Variants in FOXP2 observed in about 807,000 individuals in gnomAD.
FOXP2 encodes forkhead box protein P2.
FOXP2 carries 12 observed loss-of-function variants against 115.8 expected under a neutral mutation model. The ratio of observed to expected loss-of-function variants is 0.10; its 90% CI spans 0.07 to 0.17. The LOEUF (loss-of-function observed/expected upper bound fraction) is 0.17, where lower values mean the gene tolerates loss of function less well. Ranked by LOEUF, FOXP2 falls within the 10% of genes least tolerant of loss-of-function variation. FOXP2 has a pLI of 1.00. For missense variants in FOXP2, 629 were observed against 843.5 expected (o/e 0.75, Z 3.15); for synonymous variants, 328 against 297.7 (o/e 1.10, Z -1.05).
At chr7:114,482,116 C>T (rs1013617600) in intron 2 of FOXP2, among the ~76,000 whole-genome samples, 1 of 151,284 alleles carries the variant, frequency 6.6e-6, no homozygotes, top group Admixed American at 6.6e-5. Context: ...ACAGGAGGAT[C>T]GAGAGAGAGG....
chr7:114,660,987 A>G (rs1262092824), intron 13 of FOXP2, among the ~76,000 whole-genome samples: 1 of 151,826 alleles, frequency 6.6e-6, no homozygotes, highest in East Asian at 1.9e-4. Flanking sequence ...TATCATATTC[A>G]GAGCCATGGG....
At chr7:114,302,215 G>T (rs1231804736) in intron 2 of FOXP2, among the ~76,000 whole-genome samples, 1 of 152,134 alleles carries the variant, frequency 6.6e-6, no homozygotes, top group Admixed American at 6.5e-5. Flanking sequence ...GGTTATAACA[G>T]TGGTTGGTAG....
At chr7:114,138,467 C>T (rs1025904005) in intron 1 of FOXP2, among the ~76,000 whole-genome samples, 2 of 150,880 alleles carry the variant, frequency 1.3e-5, no homozygotes, top group African/African-American at 4.9e-5. Flanking sequence ...TCTCGGCTCA[C>T]TGCAACCTCT....
intron 2 of FOXP2, among the ~76,000 whole-genome samples, chr7:114,385,504 A>G (rs1792424331): frequency 1.3e-5 from 2 of 152,276 alleles, no homozygotes; most frequent in African/African-American, 4.8e-5. Context: ...TTCTGCCTCT[A>G]GTCGGCCCTC....
At chr7:114,582,444 T>C (rs938792042) in intron 3 of FOXP2, among the ~76,000 whole-genome samples, 19 of 152,192 alleles carry the variant, frequency 1.2e-4, no homozygotes, top group Non-Finnish European at 2.6e-4. Context: ...TTATTGCTGC[T>C]AAAATTTTCT....
chr7:114,245,858 C>T (rs1389039087), intron 1 of FOXP2, among the ~76,000 whole-genome samples: 2 of 151,720 alleles, frequency 1.3e-5, no homozygotes, highest in South Asian at 2.1e-4. Flanking sequence ...TTTTTCCTTG[C>T]GTATTTCATT....
At chr7:114,532,973 C>A (rs1394236649) in intron 2 of FOXP2, among the ~76,000 whole-genome samples, 1 of 151,748 alleles carries the variant, frequency 6.6e-6, no homozygotes, top group Non-Finnish European at 1.5e-5. Context: ...AAATAGTGAG[C>A]CTTGTGATAA....
intron 1 of FOXP2, among the ~76,000 whole-genome samples, chr7:114,419,335 A>C (rs1200023136): frequency 1.3e-5 from 2 of 151,964 alleles, no homozygotes; most frequent in Non-Finnish European, 2.9e-5. Flanking sequence ...TTAGGTTTGA[A>C]ATTTGACGGA....
Position 114,324,528 on chromosome 7 carries a change from C to T in FOXP2, c.-11+36419C>T, listed in dbSNP as rs143379376. 5.4e-3 allele frequency among the ~76,000 whole-genome samples: 816 copies of T among 151,838 alleles called. 5 individuals are homozygous for T. Among genetic ancestry groups the T allele is most frequent in the African/African-American group, 0.019 (788 of 41,502 alleles). ...CTTGCTGATATTGAGGTTTTTTTCTCTTTAACCTCAGATACAGTTTTCCAT... is the reference window on the plus strand; with the variant it reads ...CTTGCTGATATTGAGGTTTTTTTCTTTTTAACCTCAGATACAGTTTTCCAT... On this transcript the variant is annotated intron_variant, in intron 2 of 17. Coordinates refer to the FOXP2 transcript ENST00000634411.
At chr7:114,378,701 A>AAAG in intron 2 of FOXP2, among the ~76,000 whole-genome samples, 1 of 106,802 alleles carries the variant, frequency 9.4e-6, no homozygotes, top group Middle Eastern at 5.3e-3. Flanking sequence ...AAAAAAAAAA[A>AAAG]GGAAAAGAAA....
At chr7:114,087,850 A>C (rs1239147878) in intron 1 of FOXP2, 1 of 152,036 alleles carries the variant, frequency 6.6e-6, no homozygotes, top group Non-Finnish European at 1.5e-5. Context: ...TAAGTCTCTT[A>C]GGGCACCTGG....
At chr7:114,623,333 G>T (rs1345417616) in intron 3 of FOXP2, among the ~76,000 whole-genome samples, 2 of 151,904 alleles carry the variant, frequency 1.3e-5, no homozygotes, top group African/African-American at 4.8e-5. Flanking sequence ...GATTAGTCAA[G>T]CTAGGCGATC....
intron 1 of FOXP2, among the ~76,000 whole-genome samples, chr7:114,203,277 C>G (rs1794118457): frequency 6.6e-6 from 1 of 152,118 alleles, no homozygotes; most frequent in African/African-American, 2.4e-5. Context: ...TACCTATATT[C>G]TGTACAATCC....
intron 1 of FOXP2, among the ~76,000 whole-genome samples, chr7:114,248,585 A>C (rs191021584): frequency 6.6e-6 from 1 of 152,310 alleles, no homozygotes; most frequent in Non-Finnish European, 1.5e-5. Context: ...TATATAACTG[A>C]GTTTTAAAAA....
intron 1 of FOXP2, among the ~76,000 whole-genome samples, chr7:114,284,930 G>GAA (rs1796428524): frequency 6.6e-6 from 1 of 152,142 alleles, no homozygotes; most frequent in African/African-American, 2.4e-5. Flanking sequence ...TGCAGGAACA[G>GAA]AAAAGCAAAT....
At chr7:114,689,497 C>G (rs1249231670) in intron 16 of FOXP2, among the ~76,000 whole-genome samples, 2 of 152,078 alleles carry the variant, frequency 1.3e-5, no homozygotes, top group Non-Finnish European at 2.9e-5. Flanking sequence ...ATAACAAATA[C>G]TAACAAAACA....
In FOXP2 at chr7:114,356,104, C is replaced by T. The variant is rs148527319; in HGVS notation, c.-11+67995C>T. ...GAATTCCACAGGACTAAATGGCTTT[C>T]CCCCGTAGAAAGGCCCAAATTATAA... On this transcript the variant is annotated intron_variant, in intron 2 of 17. Transcript: ENST00000634411. Among the ~76,000 whole-genome samples the T allele has an allele frequency of 2.6e-3, 397 of 152,212 alleles. 2 individuals are homozygous for T. The highest frequency in any genetic ancestry group is 9.2e-3 in the African/African-American group (384 of 41,524).
intron 1 of FOXP2, among the ~76,000 whole-genome samples, chr7:114,145,085 C>T (rs991955534): frequency 2.0e-5 from 3 of 152,038 alleles, no homozygotes; most frequent in African/African-American, 7.2e-5. Flanking sequence ...CATGGAGTTT[C>T]GATACTGAGT....
intron 2 of FOXP2, among the ~76,000 whole-genome samples, chr7:114,500,572 TATC>T (rs1449938346): frequency 6.6e-6 from 1 of 152,178 alleles, no homozygotes; most frequent in African/African-American, 2.4e-5. Context: ...TTTTAAGAAA[TATC>T]ATTATCCACA....
Sources: allele counts gnomAD v4.1 joint callset (sites outside exome capture counted in the v4.1 genomes callset), GRCh38; gene constraint gnomAD v4.1.1; transcripts MANE v1.5; gene names NCBI Gene and HGNC (gene_info 2026-07-23, HGNC 2026-07-21).